The following SLIT2 variants were observed in gnomAD, a reference collection of about 807,000 sequenced individuals.
SLIT2 encodes the protein slit guidance ligand 2.
Under a neutral mutation model 185.7 loss-of-function variants are expected in SLIT2, and 41 were observed. The ratio of observed to expected loss-of-function variants is 0.22; its 90% confidence interval spans 0.17 to 0.29. The LOEUF (loss-of-function observed/expected upper bound fraction) is 0.29. Among genes scored for constraint, SLIT2 ranks in the 10% least tolerant of loss-of-function variants. The pLI, the probability that SLIT2 is intolerant of heterozygous loss-of-function variation, is 1.00. For synonymous variants in SLIT2, 693 were observed against 680.2 expected, an observed-to-expected ratio of 1.02 and a Z score of -0.29; for missense variants, 1,571 against 1,909.0, an observed-to-expected ratio of 0.82 and a Z score of 3.30.
chr4:20,418,318 A>T (rs1054760116), intron 4 of SLIT2, among the ~76,000 whole-genome samples: 2 of 152,216 alleles, frequency 1.3e-5, no homozygotes, highest in Non-Finnish European at 2.9e-5. Flanking sequence ...AAAATGTATT[A>T]TAGCAAATTT....
chr4:20,291,642 T>C (rs996984353), intron 4 of SLIT2, among the ~76,000 whole-genome samples: 1 of 151,290 alleles, frequency 6.6e-6, no homozygotes, highest in Non-Finnish European at 1.5e-5. Flanking sequence ...TTTTAAAAAA[T>C]GTATCGTATA....
chr4:20,604,495 G>C (rs572742303), intron 33 of SLIT2, among the ~76,000 whole-genome samples: 1 of 150,984 alleles, frequency 6.6e-6, no homozygotes, highest in Non-Finnish European at 1.5e-5. Flanking sequence ...GACTACAGGC[G>C]CTCACCCCTA....
chr4:20,315,824 A>G (rs1032124670), intron 4 of SLIT2, among the ~76,000 whole-genome samples: 4 of 152,064 alleles, frequency 2.6e-5, no homozygotes, highest in African/African-American at 9.7e-5. Flanking sequence ...TTCTATAGCC[A>G]TGGGCTTTTA....
intron 4 of SLIT2, among the ~76,000 whole-genome samples, chr4:20,360,747 A>G (rs535685347): frequency 6.6e-6 from 1 of 152,192 alleles, no homozygotes; most frequent in Non-Finnish European, 1.5e-5. Flanking sequence ...TGTGCATGGT[A>G]CATACTATTC....
intron 4 of SLIT2, among the ~76,000 whole-genome samples, chr4:20,443,199 G>A (rs1285058100): frequency 1.3e-5 from 2 of 152,158 alleles, no homozygotes; most frequent in African/African-American, 2.4e-5. Context: ...AAAAGATGAA[G>A]TGTGGGGTAT....
At chr4:20,358,424 TACTC>T (rs1025842315) in intron 4 of SLIT2, among the ~76,000 whole-genome samples, 14 of 152,294 alleles carry the variant, frequency 9.2e-5, no homozygotes, top group Admixed American at 6.5e-4. Flanking sequence ...CTGTTGTTCT[TACTC>T]ACATCAGGCA....
chr4:20,431,838 C>T (rs1368039407), intron 4 of SLIT2, among the ~76,000 whole-genome samples: 1 of 152,178 alleles, frequency 6.6e-6, no homozygotes, highest in Non-Finnish European at 1.5e-5. Context: ...AAGTTGAGCT[C>T]CTGGCCGGGG....
At chr4:20,552,175 G>C (rs1723817717) in intron 25 of SLIT2, among the ~76,000 whole-genome samples, 1 of 152,166 alleles carries the variant, frequency 6.6e-6, no homozygotes, top group African/African-American at 2.4e-5. Context: ...GGTGCCCTCA[G>C]GCAGAGAATG....
chr4:20,357,430 A>G (rs1722413114), intron 4 of SLIT2, among the ~76,000 whole-genome samples: 1 of 152,148 alleles, frequency 6.6e-6, no homozygotes, highest in African/African-American at 2.4e-5. Context: ...TTATAACTTA[A>G]TAACAACAAC....
At chr4:20,330,527 C>A (rs1036234312) in intron 4 of SLIT2, among the ~76,000 whole-genome samples, 30 of 152,108 alleles carry the variant, frequency 2.0e-4, no homozygotes, top group Non-Finnish European at 3.2e-4. Context: ...ACTTATGATT[C>A]ATAGCATGTT....
At chr4:20,303,173 T>C (rs1717222452) in intron 4 of SLIT2, among the ~76,000 whole-genome samples, 1 of 152,234 alleles carries the variant, frequency 6.6e-6, no homozygotes, top group South Asian at 2.1e-4. Context: ...ACAGGTTCAC[T>C]CTTTGGATTC....
chr4:20,335,330 G>A (rs144337725), intron 4 of SLIT2, among the ~76,000 whole-genome samples: 29 of 152,264 alleles, frequency 1.9e-4, no homozygotes, highest in Admixed American at 1.1e-3. Context: ...GTCAGTGTCA[G>A]TACTCTCTAG....
At chr4:20,332,931 C>A (rs1459123687) in intron 4 of SLIT2, among the ~76,000 whole-genome samples, 2 of 151,934 alleles carry the variant, frequency 1.3e-5, no homozygotes, top group Non-Finnish European at 2.9e-5. Flanking sequence ...AAAGAGAGGT[C>A]TTATGTAAGT....
intron 29 of SLIT2, among the ~76,000 whole-genome samples, chr4:20,570,656 C>A (rs185128304): frequency 2.0e-5 from 3 of 149,514 alleles, no homozygotes; most frequent in South Asian, 2.1e-4. Context: ...CTGCACCAGA[C>A]AAATTGGACC....
intron 4 of SLIT2, among the ~76,000 whole-genome samples, chr4:20,325,848 A>G (rs927851706): frequency 6.6e-6 from 1 of 152,090 alleles, no homozygotes; most frequent in Non-Finnish European, 1.5e-5. Context: ...TTCTTTTTTT[A>G]TAGTTGACCA....
intron 4 of SLIT2, among the ~76,000 whole-genome samples, chr4:20,275,135 C>G (rs1196763646): frequency 6.6e-6 from 1 of 152,090 alleles, no homozygotes; most frequent in Non-Finnish European, 1.5e-5. Flanking sequence ...TTTACATAAA[C>G]ATTATTTCTA....
chr4:20,529,909 T>C (rs1721633788), intron 16 of SLIT2, among the ~76,000 whole-genome samples: 1 of 152,204 alleles, frequency 6.6e-6, no homozygotes. Flanking sequence ...TCTGTTTGTT[T>C]GTATATAATC....
intron 11 of SLIT2, among the ~76,000 whole-genome samples, chr4:20,518,362 C>T (rs186125581): frequency 2.9e-5 from 4 of 138,314 alleles, no homozygotes; most frequent in African/African-American, 1.1e-4. Flanking sequence ...ATGCCATTCT[C>T]CTGCCTCAGC....
chr4:20,513,378 C>T (rs978707877), intron 11 of SLIT2, among the ~76,000 whole-genome samples: 2 of 152,178 alleles, frequency 1.3e-5, no homozygotes, highest in South Asian at 2.1e-4. Flanking sequence ...TGTTATAACA[C>T]GTATCATTTT....
Sources: allele counts gnomAD v4.1 joint callset (sites outside exome capture counted in the v4.1 genomes callset), GRCh38; gene constraint gnomAD v4.1.1; transcripts MANE v1.5; gene names NCBI Gene and HGNC (gene_info 2026-07-23, HGNC 2026-07-21).